The following PEX11B variants were observed in gnomAD, a reference collection of about 807,000 sequenced individuals.
The protein encoded by PEX11B is peroxisomal membrane protein 11B.
PEX11B carries 18 observed loss-of-function variants against 28.2 expected under a neutral mutation model. The observed-to-expected ratio is 0.64, with a 90% CI of 0.44 to 0.95. The LOEUF is 0.95. Ranked by LOEUF, PEX11B falls within the 40% of genes least tolerant of loss-of-function variation. The pLI is 0.00. For synonymous variants in PEX11B, 128 were observed against 128.7 expected, an observed-to-expected ratio of 0.99 and a Z score of 0.04; for missense variants, 305 against 319.8, an observed-to-expected ratio of 0.95 and a Z score of 0.35.
At position 145,917,829 on chromosome 1, in the gene PEX11B, G is replaced by T; in HGVS notation, c.57-13C>A. The T allele has an allele frequency of 1.3e-6, 2 of 1,585,610 alleles. No homozygotes were observed. Among genetic ancestry groups the T allele is most frequent in the Non-Finnish European group, 1.7e-6 (2 of 1,154,392 alleles). On this transcript the variant is annotated splice_polypyrimidine_tract_variant and intron_variant, in intron 1 of 3. Transcript: ENST00000369306. ...ATACTGGGCGGCCCTAGAGGAGAGG[G>T]CAGGCAAGGTAAGGTGGAGACCTCC...
chr1:145,916,926 T>A lies in PEX11B; in HGVS notation c.265A>T (p.Ser89Cys), dbSNP rs782370728. The A allele has an allele frequency of 6.2e-7, 1 of 1,613,624 alleles. No individual in the cohort carries two copies. The highest frequency in any genetic ancestry group is 8.5e-7 in the Non-Finnish European group (1 of 1,179,534). The change falls in exon 3 of 4, where the codon AGT (serine) becomes TGT (cysteine). Residue 89 changes from serine (S) to cysteine (C), a missense_variant. Physicochemically the swap from Ser to Cys is moderately radical, Grantham distance 112. Transcript: ENST00000369306. Reference protein sequence around the residue: ...DVVLRFCITVSHLNRALYFAC... With the variant: ...DVVLRFCITVCHLNRALYFAC... Reference sequence around the variant, plus strand: ...AAGTACAAGGCTCGATTGAGGTGACTAACAGTGATGCAGAATCTCAGGACA... The same window carrying A: ...AAGTACAAGGCTCGATTGAGGTGACAAACAGTGATGCAGAATCTCAGGACA...
intron 1 of PEX11B, 181 bp from the exon 2 acceptor site, chr1:145,917,997 AAG>A (rs1647505930): frequency 9.2e-6 from 9 of 983,300 alleles, no homozygotes; most frequent in Admixed American, 6.2e-5. Context: ...AAGGAGAAAA[AAG>A]AGTCTAGAAA....
intron 1 of PEX11B, 151 bp downstream of exon 1, chr1:145,918,482 G>A: frequency 1.3e-6 from 2 of 1,536,876 alleles, no homozygotes; most frequent in Non-Finnish European, 1.7e-6. Context: ...CTCAACAGCG[G>A]CTCAAATCTG....
rs1343546253 is a variant in PEX11B, at chr1:145,917,697, T to A, written c.172+4A>T. The A allele has an allele frequency of 6.6e-7, 1 of 1,523,850 alleles. No homozygotes were observed. Among genetic ancestry groups the A allele is most frequent in the Non-Finnish European group, 9.1e-7 (1 of 1,097,424 alleles). The allele number at this position is 1,523,850 out of a possible 1,614,324, so 94.4% of individuals were successfully genotyped here. A position where few individuals can be genotyped will look rare whatever the true frequency, so the allele number is the denominator to read the frequency against. ...GGGATAAAAGGAAAGACAGAGTTACTTACGCTTTCTTCCAAGGCTCAGGTG... is the reference window on the plus strand; with the variant it reads ...GGGATAAAAGGAAAGACAGAGTTACATACGCTTTCTTCCAAGGCTCAGGTG... On this transcript the variant is annotated splice_donor_region_variant and intron_variant, in intron 2 of 3. Coordinates refer to ENST00000369306, the MANE Select transcript of PEX11B (RefSeq NM_003846.3).
In PEX11B at chr1:145,912,710, A is replaced by C. The variant is rs587699545; in HGVS notation, c.375-144T>G. On this transcript the variant is annotated intron_variant, in intron 3 of 3. Coordinates refer to ENST00000369306, the MANE Select transcript of PEX11B (RefSeq NM_003846.3). The stretch of plus-strand genomic sequence containing the variant: ...AGTGAATGCTATTACCCCTATTAGA[A>C]ATGTCCTCCATCGAGGACACTATGC... 6 of 536,452 alleles carry C rather than the reference A, an allele frequency of 1.1e-5. No homozygotes were observed. In the East Asian group the frequency reaches 1.8e-4, roughly 16 times the overall value. The allele number at this position is 536,452 out of a possible 1,614,324, so 33.2% of individuals were successfully genotyped here.
rs1050594032 is a variant in PEX11B, at chr1:145,918,571, C to T, written c.56+62G>A. The T allele has an allele frequency of 2.6e-6, 4 of 1,560,916 alleles. No individual in the cohort carries two copies. In the African/African-American group the frequency reaches 5.4e-5, roughly 21 times the overall value. ...CCTGTAGCCTAAACTGACTTCGCCTCACTAGAGTCTTCCTCTGTCCATCCC... is the reference window on the plus strand; with the variant it reads ...CCTGTAGCCTAAACTGACTTCGCCTTACTAGAGTCTTCCTCTGTCCATCCC... On this transcript the variant is annotated intron_variant, in intron 1 of 3. Coordinates refer to ENST00000369306, the MANE Select transcript of PEX11B (RefSeq NM_003846.3).
chr1:145,912,627 C>T (rs1657860535), intron 3 of PEX11B, 61 bp from the exon 4 acceptor site: 12 of 1,112,920 alleles, frequency 1.1e-5, no homozygotes, highest in Non-Finnish European at 1.4e-5. Flanking sequence ...TATCCAACAT[C>T]ACATTTTAAC....
At chr1:145,918,576 G>T (rs1416736944) in intron 1 of PEX11B, 57 bp downstream of exon 1, 6 of 1,564,102 alleles carry the variant, frequency 3.8e-6, no homozygotes, top group Non-Finnish European at 5.2e-6. Context: ...CGCCTCACTA[G>T]AGTCTTCCTC....
Position 145,916,968 on chromosome 1 carries a change from C to G in PEX11B, c.223G>C (p.Val75Leu). ...ADALESAKRA[V>L]HLSDVVLRFC... The stretch of plus-strand genomic sequence containing the variant: ...CTCAGGACAACATCTGATAGGTGAA[C>G]AGCTCTTTTGGCTGACTCAAGGGCA... The change falls in exon 3 of 4, where the codon GTT becomes CTT. Residue 75 changes from valine to leucine, a missense_variant. Val to Leu is a conservative substitution (Grantham distance 32). Transcript: ENST00000369306. 1 of 1,613,888 alleles carries G rather than the reference C, an allele frequency of 6.2e-7. No individual in the cohort carries two copies. Among genetic ancestry groups the G allele is most frequent in the East Asian group, 2.2e-5 (1 of 44,888 alleles).
chr1:145,914,702 G>T (rs1553753661), intron 3 of PEX11B, among the ~76,000 whole-genome samples: 1 of 152,002 alleles, frequency 6.6e-6, no homozygotes, highest in Non-Finnish European at 1.5e-5. Flanking sequence ...TGCTCTTCAG[G>T]TATGAGCTTA....
At chr1:145,918,206 T>C in intron 1 of PEX11B, 1 of 985,446 alleles carries the variant, frequency 1.0e-6, no homozygotes, top group Non-Finnish European at 1.2e-6. Context: ...CAAGGCCCTC[T>C]AGCTGAATGG....
In PEX11B at chr1:145,912,378, A is replaced by G; in HGVS notation, c.563T>C (p.Leu188Pro). Residue 188 changes from leucine to proline, a missense_variant, in exon 4 of 4, where the codon CTG becomes CCG. Physicochemically the swap from Leu to Pro is moderately conservative, Grantham distance 98 (BLOSUM62 -3). Transcript: ENST00000369306. Reference sequence around the variant, plus strand: ...GAGCAGGACTTGCAGCCGAAGTTTCAGAGCCAGTTGGGGCAGACCTCCTCC... The same window carrying G: ...GAGCAGGACTTGCAGCCGAAGTTTCGGAGCCAGTTGGGGCAGACCTCCTCC... Reference protein sequence around the residue: ...TPGGGLPQLALKLRLQVLLLA... With the variant: ...TPGGGLPQLAPKLRLQVLLLA... 1 of 1,612,672 alleles carries G rather than the reference A, an allele frequency of 6.2e-7. No homozygotes were observed. The highest frequency in any genetic ancestry group is 8.5e-7 in the Non-Finnish European group (1 of 1,179,282).
chr1:145,915,559 C>CAT lies in PEX11B; in HGVS notation c.374+1257_374+1258insAT, dbSNP rs1218899462. The stretch of plus-strand genomic sequence containing the variant: ...CAGCTACCTCCTTTGTCCAAGCCAA[C>CAT]GTCATCTCTTGCTCGTATTAGGGCA... On this transcript the variant is annotated intron_variant, in intron 3 of 3. Coordinates refer to ENST00000369306, the MANE Select transcript of PEX11B (RefSeq NM_003846.3). Among the ~76,000 whole-genome samples the CAT allele has an allele frequency of 2.0e-5, 3 of 152,206 alleles. 1 individual carries two copies. The East Asian group carries it at 5.8e-4, about 29-fold the overall frequency.
At position 145,918,650 on chromosome 1, in the gene PEX11B, G is replaced by A; in HGVS notation, c.39C>T (p.Ala13=). 1 of 1,561,480 alleles carries A rather than the reference G, an allele frequency of 6.4e-7. No homozygotes were observed. Among genetic ancestry groups the A allele is most frequent in the Non-Finnish European group, 8.7e-7 (1 of 1,152,760 alleles). ...GGCCGCACCTACACAGCCGCTCCCG[G>A]GCTTGGCTCTGAGCACTGAAGCGGA... The part of the protein sequence containing the change: ...AWVRFSAQSQ[A]RERLCRAAQY... Residue 13 remains alanine, a synonymous_variant, in exon 1 of 4, where the codon GCC becomes GCT. Coordinates refer to ENST00000369306, the MANE Select transcript of PEX11B (RefSeq NM_003846.3).
intron 1 of PEX11B, chr1:145,918,043 T>TA: frequency 1.0e-6 from 1 of 984,652 alleles, no homozygotes; most frequent in Non-Finnish European, 1.2e-6. Context: ...TTGAGCAAAT[T>TA]AGAGATTTGA....
intron 3 of PEX11B, among the ~76,000 whole-genome samples, chr1:145,915,404 ACT>A (rs1647321105): frequency 6.6e-6 from 1 of 152,032 alleles, no homozygotes; most frequent in Non-Finnish European, 1.5e-5. Context: ...GTTGTAAATC[ACT>A]GAGAAAGATG....
chr1:145,916,198 T>C (rs1306422651), intron 3 of PEX11B, among the ~76,000 whole-genome samples: 2 of 152,228 alleles, frequency 1.3e-5, no homozygotes, highest in Non-Finnish European at 2.9e-5. Flanking sequence ...AAGCCTTACT[T>C]AGAATGTGCA....
At chr1:145,915,556 C>CA (rs1647327608) in intron 3 of PEX11B, among the ~76,000 whole-genome samples, 1 of 152,086 alleles carries the variant, frequency 6.6e-6, no homozygotes, top group Admixed American at 6.6e-5. Flanking sequence ...TTGTCCAAGC[C>CA]AACGTCATCT....
At chr1:145,914,477 A>C (rs1479627522) in intron 3 of PEX11B, among the ~76,000 whole-genome samples, 1 of 152,034 alleles carries the variant, frequency 6.6e-6, no homozygotes, top group African/African-American at 2.4e-5. Flanking sequence ...AGGCTTACAG[A>C]CTCAACATCT....
Sources: allele counts gnomAD v4.1 joint callset (sites outside exome capture counted in the v4.1 genomes callset), GRCh38; gene constraint gnomAD v4.1.1; transcripts MANE v1.5; gene names NCBI Gene and HGNC (gene_info 2026-07-23, HGNC 2026-07-21).